AFF3: variants seen among roughly 807,000 people sequenced by gnomAD.
AFF3 encodes the protein AF4/FMR2 family member 3.
A neutral mutation model predicts 129.7 loss-of-function variants in AFF3; 32 were observed. That is an observed-to-expected ratio of 0.25 (90% confidence interval 0.19 to 0.33). The LOEUF (loss-of-function observed/expected upper bound fraction) is 0.33, where lower values mean the gene tolerates loss of function less well. Ranked by LOEUF, AFF3 falls within the 10% of genes least tolerant of loss-of-function variation. AFF3 has a pLI of 1.00. For synonymous variants in AFF3, 644 were observed against 635.4 expected, an observed-to-expected ratio of 1.01 and a Z score of -0.20; for missense variants, 1,373 against 1,592.0, an observed-to-expected ratio of 0.86 and a Z score of 2.34.
intron 7 of AFF3, among the ~76,000 whole-genome samples, chr2:99,919,605 CTAAA>C (rs898554471): frequency 1.3e-5 from 2 of 152,114 alleles, no homozygotes; most frequent in Non-Finnish European, 2.9e-5. Context: ...GTATTTCATA[CTAAA>C]TAATCTCTTT....
chr2:99,944,251 T>C (rs1675345253), intron 7 of AFF3, among the ~76,000 whole-genome samples: 1 of 152,220 alleles, frequency 6.6e-6, no homozygotes, highest in Non-Finnish European at 1.5e-5. Flanking sequence ...AAGTACGGCC[T>C]ATCTGCCTCA....
chr2:100,009,688 C>G (rs765202529), intron 4 of AFF3, among the ~76,000 whole-genome samples: 2 of 152,122 alleles, frequency 1.3e-5, no homozygotes, highest in Non-Finnish European at 2.9e-5. Context: ...CACCAGACAA[C>G]TGGAAGAAAT....
intron 7 of AFF3, among the ~76,000 whole-genome samples, chr2:99,961,632 T>C (rs1677219418): frequency 6.6e-6 from 1 of 152,200 alleles, no homozygotes; most frequent in Non-Finnish European, 1.5e-5. Flanking sequence ...AATTTCTTCC[T>C]GCTCCTCCCT....
intron 7 of AFF3, among the ~76,000 whole-genome samples, chr2:99,999,684 C>G (rs1016092040): frequency 2.0e-5 from 3 of 152,128 alleles, no homozygotes. Flanking sequence ...GGGCTATGTG[C>G]CAGCCACCGT....
At chr2:99,882,924 G>T (rs1692830014) in intron 7 of AFF3, among the ~76,000 whole-genome samples, 1 of 152,096 alleles carries the variant, frequency 6.6e-6, no homozygotes, top group African/African-American at 2.4e-5. Flanking sequence ...GTGTTGATAG[G>T]GCCCGGTGCA....
At chr2:99,629,851 A>ATC (rs929958064) in intron 13 of AFF3, among the ~76,000 whole-genome samples, 40 of 152,072 alleles carry the variant, frequency 2.6e-4, no homozygotes, top group Middle Eastern at 3.4e-3. Context: ...CCATGATGGG[A>ATC]TCCTACCCTT....
At chr2:99,690,505 T>C (rs1033800771) in intron 11 of AFF3, among the ~76,000 whole-genome samples, 4 of 152,110 alleles carry the variant, frequency 2.6e-5, no homozygotes, top group Non-Finnish European at 5.9e-5. Context: ...TTAAAGTTCA[T>C]TGTCTATTAA....
intron 7 of AFF3, among the ~76,000 whole-genome samples, chr2:99,859,713 A>G (rs1169686454): frequency 6.6e-6 from 1 of 152,252 alleles, no homozygotes; most frequent in Non-Finnish European, 1.5e-5. Flanking sequence ...TTGGTACAGA[A>G]TATTTTCAAA....
intron 8 of AFF3, among the ~76,000 whole-genome samples, chr2:99,828,641 A>G (rs1416775907): frequency 5.9e-5 from 9 of 152,206 alleles, no homozygotes; most frequent in African/African-American, 1.9e-4. Flanking sequence ...TTGGGGAGAA[A>G]CACTGTAGTG....
chr2:99,913,333 T>C (rs1021825275), intron 7 of AFF3, among the ~76,000 whole-genome samples: 2 of 152,182 alleles, frequency 1.3e-5, no homozygotes, highest in Non-Finnish European at 2.9e-5. Flanking sequence ...GGGAACAAGT[T>C]TTCTTATAGT....
At chr2:99,866,050 C>A (rs1691370153) in intron 7 of AFF3, among the ~76,000 whole-genome samples, 1 of 152,140 alleles carries the variant, frequency 6.6e-6, no homozygotes, top group Non-Finnish European at 1.5e-5. Flanking sequence ...AACAGGGCTA[C>A]CTTCTGGACA....
chr2:99,869,462 A>G (rs1382823761), intron 7 of AFF3, among the ~76,000 whole-genome samples: 1 of 152,190 alleles, frequency 6.6e-6, no homozygotes, highest in African/African-American at 2.4e-5. Flanking sequence ...ATCTAAGATG[A>G]TTTGATAGGC....
At chr2:99,689,298 G>C (rs1209345309) in intron 11 of AFF3, among the ~76,000 whole-genome samples, 1 of 152,124 alleles carries the variant, frequency 6.6e-6, no homozygotes, top group Non-Finnish European at 1.5e-5. Context: ...TGCAGCTGCT[G>C]CCTGGTCCCA....
chr2:99,948,934 T>C (rs1675895698), intron 7 of AFF3, among the ~76,000 whole-genome samples: 1 of 152,180 alleles, frequency 6.6e-6, no homozygotes, highest in African/African-American at 2.4e-5. Context: ...GTAAATTTCA[T>C]TTGGGAAAAA....
At chr2:99,674,656 A>G (rs1687452721) in intron 11 of AFF3, among the ~76,000 whole-genome samples, 1 of 151,944 alleles carries the variant, frequency 6.6e-6, no homozygotes, top group Non-Finnish European at 1.5e-5. Context: ...TCACACAATC[A>G]TGGTTAACAA....
At chr2:100,102,510 T>C (rs1690814069) in intron 4 of AFF3, among the ~76,000 whole-genome samples, 1 of 151,932 alleles carries the variant, frequency 6.6e-6, no homozygotes, top group Non-Finnish European at 1.5e-5. Flanking sequence ...ATAAATGTAC[T>C]GCTAATGTAA....
chr2:99,784,662 G>C (rs566219229), intron 8 of AFF3, among the ~76,000 whole-genome samples: 1 of 152,358 alleles, frequency 6.6e-6, no homozygotes, highest in South Asian at 2.1e-4. Flanking sequence ...TTTGAGAGAA[G>C]AAGCTCTATC....
At chr2:99,769,184 CT>C (rs1683263626) in intron 8 of AFF3, among the ~76,000 whole-genome samples, 2 of 152,032 alleles carry the variant, frequency 1.3e-5, no homozygotes, top group Admixed American at 6.6e-5. Flanking sequence ...GTTTTTTATT[CT>C]TTTTTTCTTT....
intron 7 of AFF3, among the ~76,000 whole-genome samples, chr2:99,894,678 T>C (rs897103074): frequency 6.6e-6 from 1 of 151,954 alleles, no homozygotes; most frequent in Non-Finnish European, 1.5e-5. Context: ...GGTTTCACCA[T>C]GTTAGCCAGG....
Sources: gnomAD v4.1 joint callset for allele counts (sites outside exome capture counted in the v4.1 genomes callset) on GRCh38, gnomAD v4.1.1 for gene constraint, MANE v1.5 for transcripts, NCBI Gene and HGNC (gene_info 2026-07-23, HGNC 2026-07-21) for gene names.